KLF8: variants seen among roughly 807,000 people sequenced by gnomAD.
KLF8 encodes Krueppel-like factor 8.
Under a neutral mutation model 18.2 loss-of-function variants are expected in KLF8, and 10 were observed. The observed-to-expected ratio is 0.55, with a 90% CI of 0.34 to 0.93. The LOEUF (loss-of-function observed/expected upper bound fraction) is 0.93. Ranked by LOEUF, KLF8 falls within the 40% of genes least tolerant of loss-of-function variation. KLF8 has a pLI of 0.02. For synonymous variants in KLF8, 109 were observed against 97.3 expected (o/e 1.12, Z -0.71); for missense variants, 264 against 277.9 (o/e 0.95, Z 0.36).
the KLF8 span, among the ~76,000 whole-genome samples, chrX:55,964,059 T>A: frequency 9.0e-6 from 1 of 111,362 alleles, no homozygotes; most frequent in Non-Finnish European, 1.9e-5. Flanking sequence ...AATCAAGAAA[T>A]TATTTGAAAC....
intron 2 of KLF8, among the ~76,000 whole-genome samples, chrX:56,251,683 G>A (rs1197980904): frequency 9.1e-6 from 1 of 110,084 alleles, no homozygotes; most frequent in East Asian, 2.9e-4. Context: ...GGCTGGTCTC[G>A]AACTCCTGAC....
the KLF8 span, among the ~76,000 whole-genome samples, chrX:56,132,302 T>C: frequency 9.0e-6 from 1 of 111,369 alleles, no homozygotes; most frequent in Non-Finnish European, 1.9e-5. Flanking sequence ...TAGACCACAG[T>C]GGAATAAAAT....
the KLF8 span, among the ~76,000 whole-genome samples, chrX:56,019,438 T>G: frequency 8.9e-6 from 1 of 112,621 alleles, no homozygotes; most frequent in Non-Finnish European, 1.9e-5. Flanking sequence ...GTTGACTGTC[T>G]ATTTTAAAGG....
At chrX:56,001,579 G>T in the KLF8 span, among the ~76,000 whole-genome samples, 1 of 111,912 alleles carries the variant, frequency 8.9e-6, no homozygotes. Flanking sequence ...TCTTTCCCGT[G>T]GGTAAACAAG....
chrX:56,041,766 T>G, the KLF8 span, among the ~76,000 whole-genome samples: 1 of 111,400 alleles, frequency 9.0e-6, no homozygotes, highest in South Asian at 3.8e-4. Flanking sequence ...CTCAGCTCAC[T>G]GCAACCTCCA....
At chrX:56,130,866 A>G in the KLF8 span, among the ~76,000 whole-genome samples, 23 of 112,075 alleles carry the variant, frequency 2.1e-4, no homozygotes, top group African/African-American at 7.5e-4. Context: ...AATGTACTGG[A>G]AAGTCTCACC....
At chrX:55,937,939 C>A in the KLF8 span, among the ~76,000 whole-genome samples, 1 of 111,949 alleles carries the variant, frequency 8.9e-6, no homozygotes, top group Non-Finnish European at 1.9e-5. Context: ...AACCAAGTCA[C>A]AAAACACTGT....
chrX:56,259,835 A>AGG (rs2066860478), intron 2 of KLF8, among the ~76,000 whole-genome samples: 1 of 111,345 alleles, frequency 9.0e-6, no homozygotes, highest in Non-Finnish European at 1.9e-5. Flanking sequence ...GTTTTGTCCT[A>AGG]AGCTATCTGG....
chrX:56,009,790 C>A, the KLF8 span, among the ~76,000 whole-genome samples: 1 of 112,411 alleles, frequency 8.9e-6, no homozygotes, highest in Admixed American at 9.4e-5. Flanking sequence ...CTGGAAAACA[C>A]AGCACAGAAA....
the KLF8 span, among the ~76,000 whole-genome samples, chrX:55,949,333 CTGTGTGTGTGTGTGTGTGTGTG>C: frequency 5.8e-4 from 51 of 88,174 alleles, no homozygotes; most frequent in African/African-American, 1.9e-3. Flanking sequence ...TTTTCATATG[CTGTGTGTGTGTGTGTGTGTGTG>C]TGTGTGTGTG....
At chrX:56,204,220 C>T in the KLF8 span, among the ~76,000 whole-genome samples, 6 of 111,729 alleles carry the variant, frequency 5.4e-5, no homozygotes, top group African/African-American at 1.9e-4. Flanking sequence ...GTTTTTCAGA[C>T]TGTTCACTGT....
intron 2 of KLF8, among the ~76,000 whole-genome samples, chrX:56,261,856 T>C (rs1371939209): frequency 9.0e-6 from 1 of 111,243 alleles, no homozygotes; most frequent in African/African-American, 3.3e-5. Context: ...ATGGAATGCT[T>C]GTCTTTAAGC....
chrX:55,948,688 G>T, the KLF8 span, among the ~76,000 whole-genome samples: 1 of 110,173 alleles, frequency 9.1e-6, no homozygotes, highest in Non-Finnish European at 1.9e-5. Flanking sequence ...GGTTTTTGGA[G>T]CCCGTTAGAT....
the KLF8 span, among the ~76,000 whole-genome samples, chrX:56,181,797 C>T: frequency 9.5e-6 from 1 of 105,428 alleles, no homozygotes; most frequent in East Asian, 3.1e-4. Context: ...GCTCCCCCCC[C>T]TTCTGGCTTG....
At chrX:55,946,780 A>T in the KLF8 span, among the ~76,000 whole-genome samples, 24 of 111,188 alleles carry the variant, frequency 2.2e-4, no homozygotes, top group African/African-American at 7.5e-4. Flanking sequence ...CAACTCAAAC[A>T]AATTTACAAG....
At chrX:56,197,973 A>G in the KLF8 span, among the ~76,000 whole-genome samples, 37 of 112,201 alleles carry the variant, frequency 3.3e-4, no homozygotes, top group African/African-American at 1.1e-3. Context: ...CATTAACAGA[A>G]CCAAAGACAA....
chrX:55,991,268 A>G, the KLF8 span, among the ~76,000 whole-genome samples: 2 of 112,033 alleles, frequency 1.8e-5, no homozygotes, highest in East Asian at 2.8e-4. Flanking sequence ...TGTGCTAGCA[A>G]TGAGCGAGGC....
the KLF8 span, among the ~76,000 whole-genome samples, chrX:55,947,653 A>T: frequency 9.0e-6 from 1 of 111,188 alleles, no homozygotes; most frequent in African/African-American, 3.3e-5. Flanking sequence ...AAAAAATGCA[A>T]TAGACTCCTT....
the KLF8 span, among the ~76,000 whole-genome samples, chrX:56,177,017 A>C: frequency 9.0e-6 from 1 of 110,804 alleles, no homozygotes; most frequent in African/African-American, 3.3e-5. Flanking sequence ...ATTTTTTTTC[A>C]AGGTTTTTAA....
Sources: allele counts gnomAD v4.1 joint callset (sites outside exome capture counted in the v4.1 genomes callset), GRCh38; gene constraint gnomAD v4.1.1; transcripts MANE v1.5; gene names NCBI Gene and HGNC (gene_info 2026-07-23, HGNC 2026-07-21).